G3BP1: variants seen among roughly 807,000 people sequenced by gnomAD.
G3BP1 encodes G3BP stress granule assembly factor 1, also known as ras GTPase-activating protein-binding protein 1.
Under a neutral mutation model 58.6 loss-of-function variants are expected in G3BP1, and 35 were observed. That is an observed-to-expected ratio of 0.60 (90% CI 0.46 to 0.79). G3BP1 has a LOEUF of 0.79. G3BP1 is among the 30% of genes least tolerant of loss of function. The pLI is 0.00. For missense variants in G3BP1, 523 were observed against 580.8 expected (o/e 0.90, Z 1.02); for synonymous variants, 191 against 195.4 (o/e 0.98, Z 0.19).
chr5:151,774,739 C>T (rs1445206796), intron 1 of G3BP1, among the ~76,000 whole-genome samples: 2 of 151,238 alleles, frequency 1.3e-5, no homozygotes, highest in Non-Finnish European at 2.9e-5. Context: ...GAAAGCCTCG[C>T]CCGCCCCCCA....
chr5:151,803,402 C>T (rs999653666), intron 11 of G3BP1, among the ~76,000 whole-genome samples: 3 of 152,100 alleles, frequency 2.0e-5, no homozygotes, highest in African/African-American at 4.8e-5. Context: ...GTTCAAGTTG[C>T]ACTCCAGTCT....
Position 151,812,053 on chromosome 5 carries a change from T to C in G3BP1, c.*7962T>C, listed in dbSNP as rs1763025458. 6.6e-6 allele frequency: 1 copy of C among 152,340 alleles called. No individual in the cohort carries two copies. Among genetic ancestry groups the C allele is most frequent in the Non-Finnish European group, 1.5e-5 (1 of 68,028 alleles). 9.4% of individuals were successfully genotyped at this position (152,340 alleles called of 1,614,324 possible). Reference sequence around the variant, plus strand: ...TGTGACTTCTGGTCTGGCGTGAAAGTATGAATCATCTTGAACCTCTTCCAT... The same window carrying C: ...TGTGACTTCTGGTCTGGCGTGAAAGCATGAATCATCTTGAACCTCTTCCAT... On this transcript the variant is annotated 3_prime_UTR_variant, in exon 12 of 12. Coordinates refer to ENST00000356245, the MANE Select transcript of G3BP1 (RefSeq NM_005754.3).
intron 6 of G3BP1, among the ~76,000 whole-genome samples, chr5:151,796,447 T>C (rs1762751444): frequency 6.6e-6 from 1 of 152,184 alleles, no homozygotes; most frequent in South Asian, 2.1e-4. Context: ...TTTTGTGTTT[T>C]TGTAGAGATG....
At chr5:151,792,994 G>A (rs1353856951) in intron 4 of G3BP1, among the ~76,000 whole-genome samples, 1 of 152,196 alleles carries the variant, frequency 6.6e-6, no homozygotes, top group Non-Finnish European at 1.5e-5. Flanking sequence ...GCACTCAGGT[G>A]TGTCTTATAC....
chr5:151,787,674 A>G (rs1454519423), intron 2 of G3BP1: 3 of 210,406 alleles, frequency 1.4e-5, no homozygotes, highest in African/African-American at 4.7e-5. Context: ...AAAACTGTCT[A>G]TTTATGTGGA....
In G3BP1 at chr5:151,799,266, C is replaced by T. The variant is rs926645994; in HGVS notation, c.796C>T (p.Pro266Ser). Reference sequence around the variant, plus strand: ...GAATCTTCCACCCAGTGGAGCTGTTCCAGTTACTGGGATACCACCTCATGT... The same window carrying T: ...GAATCTTCCACCCAGTGGAGCTGTTTCAGTTACTGGGATACCACCTCATGT... ...SKNLPPSGAV[P>S]VTGIPPHVVK... is the part of the protein sequence containing the mutation. The change falls in exon 8 of 12, where the codon CCA becomes TCA. Residue 266 changes from proline to serine, a missense_variant. By Grantham distance (74) the Pro-to-Ser change is moderately conservative (BLOSUM62 -1). Coordinates refer to ENST00000356245, the MANE Select transcript of G3BP1 (RefSeq NM_005754.3). The T allele has an allele frequency of 6.2e-7, 1 of 1,606,272 alleles. No homozygotes were observed. Among genetic ancestry groups the T allele is most frequent in the African/African-American group, 1.3e-5 (1 of 74,766 alleles).
intron 7 of G3BP1, among the ~76,000 whole-genome samples, chr5:151,798,476 G>A (rs769401856): frequency 2.0e-5 from 3 of 152,180 alleles, no homozygotes; most frequent in Non-Finnish European, 4.4e-5. Context: ...CAGTGGAAAT[G>A]GAAAAGAAAT....
intron 1 of G3BP1, among the ~76,000 whole-genome samples, chr5:151,775,072 C>T (rs766254424): frequency 5.3e-5 from 8 of 152,140 alleles, no homozygotes; most frequent in Non-Finnish European, 1.0e-4. Context: ...AGGTGGAAAG[C>T]AATTTCAAAA....
rs367931058 is a variant in G3BP1, at chr5:151,807,389, C to G, written c.*3298C>G. The G allele has an allele frequency of 6.6e-6, 1 of 152,092 alleles. No homozygotes were observed. Among genetic ancestry groups the G allele is most frequent in the African/African-American group, 2.4e-5 (1 of 41,404 alleles). 9.4% of individuals were successfully genotyped at this position (152,092 alleles called of 1,614,324 possible). ...CTAATTACATTTCAGTAGCATAGACCGCAATGAACTTCCTACTGTAGGGAG... is the reference window on the plus strand; with the variant it reads ...CTAATTACATTTCAGTAGCATAGACGGCAATGAACTTCCTACTGTAGGGAG... On this transcript the variant is annotated 3_prime_UTR_variant, in exon 12 of 12. Transcript: ENST00000356245.
At chr5:151,784,042 G>T (rs1762516796) in intron 1 of G3BP1, among the ~76,000 whole-genome samples, 1 of 152,134 alleles carries the variant, frequency 6.6e-6, no homozygotes. Flanking sequence ...ATTAACAGGC[G>T]TGAGCCACCA....
Position 151,807,089 on chromosome 5 carries a change from A to T in G3BP1, c.*2998A>T, listed in dbSNP as rs1762947918. 6.6e-6 allele frequency: 1 copy of T among 152,200 alleles called. No homozygotes were observed. The highest frequency in any genetic ancestry group is 2.4e-5 in the African/African-American group (1 of 41,438). 9.4% of individuals were successfully genotyped at this position (152,200 alleles called of 1,614,324 possible). On this transcript the variant is annotated 3_prime_UTR_variant, in exon 12 of 12. Transcript: ENST00000356245. ...ATTCCAGCGTTCTCAACTTTGTCAG[A>T]TATTGCTAGGGACCAGTGAGATAGA...
chr5:151,785,417 T>C (rs1304577717), intron 1 of G3BP1, among the ~76,000 whole-genome samples: 3 of 152,178 alleles, frequency 2.0e-5, no homozygotes, highest in Admixed American at 6.5e-5. Flanking sequence ...TCAACCAGAG[T>C]CAATCTATTT....
At chr5:151,793,557 T>C (rs1411885442) in intron 4 of G3BP1, among the ~76,000 whole-genome samples, 2 of 152,224 alleles carry the variant, frequency 1.3e-5, no homozygotes, top group Admixed American at 6.5e-5. Context: ...TTACCGGCTA[T>C]TGTAGAGTGG....
At chr5:151,803,803 T>C (rs1277944701) in intron 11 of G3BP1, 82 bp from the exon 12 acceptor site, 4 of 959,628 alleles carry the variant, frequency 4.2e-6, no homozygotes, top group Non-Finnish European at 6.5e-6. Flanking sequence ...CTCTGCTGGT[T>C]CATTATTACA....
At chr5:151,794,041 C>T in intron 4 of G3BP1, 118 bp from the exon 5 acceptor site, 1 of 648,936 alleles carries the variant, frequency 1.5e-6, no homozygotes, top group East Asian at 2.7e-5. Flanking sequence ...ACTGAAATGT[C>T]TCCAGATATT....
intron 1 of G3BP1, among the ~76,000 whole-genome samples, chr5:151,775,207 G>A (rs1762346932): frequency 1.3e-5 from 2 of 152,154 alleles, no homozygotes; most frequent in East Asian, 3.8e-4. Context: ...TTGTATCTTA[G>A]GTACTTAATC....
intron 1 of G3BP1, among the ~76,000 whole-genome samples, chr5:151,783,171 C>G (rs1186779148): frequency 6.6e-6 from 1 of 151,938 alleles, no homozygotes; most frequent in African/African-American, 2.4e-5. Context: ...TGTGACTAAT[C>G]TGTTTAAATT....
At chr5:151,788,589 T>TGTGC (rs1762593747) in intron 2 of G3BP1, among the ~76,000 whole-genome samples, 1 of 149,454 alleles carries the variant, frequency 6.7e-6, no homozygotes, top group South Asian at 2.1e-4. Flanking sequence ...TGTGTGTGTG[T>TGTGC]GTGTGTGTGT....
intron 1 of G3BP1, among the ~76,000 whole-genome samples, chr5:151,785,226 G>A (rs918678355): frequency 2.6e-5 from 4 of 152,238 alleles, no homozygotes; most frequent in Admixed American, 2.0e-4. Flanking sequence ...ATGCCTGAAG[G>A]CAAAATACTC....
Sources: gnomAD v4.1 joint callset for allele counts (sites outside exome capture counted in the v4.1 genomes callset) on GRCh38, gnomAD v4.1.1 for gene constraint, MANE v1.5 for transcripts, NCBI Gene and HGNC (gene_info 2026-07-23, HGNC 2026-07-21) for gene names.